The following MEIS2 variants were observed in gnomAD, a reference collection of about 807,000 sequenced individuals.
MEIS2 encodes the protein Meis homeobox 2.
In MEIS2, 9 loss-of-function variants were observed where a neutral mutation model predicts 58.6. That is an observed-to-expected ratio of 0.15 (90% CI 0.09 to 0.27). The LOEUF is 0.27. MEIS2 is among the 10% of genes least tolerant of loss of function. The pLI is 1.00. For missense variants in MEIS2, 427 were observed against 635.0 expected (o/e 0.67, Z 3.52); for synonymous variants, 221 against 228.4 (o/e 0.97, Z 0.29).
chr15:37,093,677 C>T lies in MEIS2; in HGVS notation c.543G>A (p.Gly181=). 6.2e-7 allele frequency: 1 copy of T among 1,614,198 alleles called. No individual in the cohort carries two copies. The highest frequency in any genetic ancestry group is 8.5e-7 in the Non-Finnish European group (1 of 1,180,044). Residue 181 remains glycine, a synonymous_variant, in exon 6 of 12, where the codon GGG becomes GGA. Transcript: ENST00000561208. ...CAATGACGAGGTCGATGGGCATTTT[C>T]CCCTTCAAACAGCTAATGTATCGGT... ...FCHRYISCLK[G]KMPIDLVIDE... is the part of the protein sequence containing the mutation.
At chr15:37,028,029 A>G (rs1224933015) in intron 8 of MEIS2, among the ~76,000 whole-genome samples, 1 of 152,198 alleles carries the variant, frequency 6.6e-6, no homozygotes, top group Non-Finnish European at 1.5e-5. Context: ...AATGACACGT[A>G]TCCACCATTG....
intron 7 of MEIS2, among the ~76,000 whole-genome samples, chr15:37,037,432 C>A (rs961114458): frequency 1.3e-5 from 2 of 152,154 alleles, no homozygotes; most frequent in Non-Finnish European, 2.9e-5. Flanking sequence ...CCTCCTAGAG[C>A]TGTCACCTCC....
chr15:36,987,894 T>C (rs1308715323), intron 8 of MEIS2, among the ~76,000 whole-genome samples: 1 of 152,110 alleles, frequency 6.6e-6, no homozygotes, highest in Non-Finnish European at 1.5e-5. Context: ...GCATTGAACA[T>C]CAGATCTATA....
chr15:36,909,957 C>G (rs1161544657), intron 9 of MEIS2, among the ~76,000 whole-genome samples: 1 of 152,048 alleles, frequency 6.6e-6, no homozygotes, highest in Non-Finnish European at 1.5e-5. Flanking sequence ...AATAGAGGCA[C>G]TTTGAGAGGC....
chr15:36,984,601 CAT>C (rs2060036720), intron 8 of MEIS2, among the ~76,000 whole-genome samples: 2 of 152,106 alleles, frequency 1.3e-5, no homozygotes, highest in South Asian at 4.1e-4. Flanking sequence ...ATGTTGACTT[CAT>C]AAGATGAGTT....
At chr15:36,894,552 T>C (rs771439568) in intron 11 of MEIS2, 4 of 531,090 alleles carry the variant, frequency 7.5e-6, no homozygotes, top group Non-Finnish European at 1.3e-5. Context: ...CACATCAGTG[T>C]CATCTGTGAC....
At chr15:36,930,235 A>G (rs1719905) in intron 9 of MEIS2, among the ~76,000 whole-genome samples, 14,625 of 150,256 alleles carry the variant, frequency 0.097, 814 homozygotes, top group East Asian at 0.2. Flanking sequence ...GAGAGAGAGA[A>G]AAAAAAAGTT....
chr15:37,076,728 A>ATAT (rs1161236941), intron 7 of MEIS2, among the ~76,000 whole-genome samples: 2 of 152,052 alleles, frequency 1.3e-5, no homozygotes, highest in African/African-American at 2.4e-5. Flanking sequence ...TATTTCCACA[A>ATAT]TATTAAATGG....
chr15:36,917,162 C>T (rs1002221059), intron 9 of MEIS2, among the ~76,000 whole-genome samples: 1 of 152,190 alleles, frequency 6.6e-6, no homozygotes, highest in Non-Finnish European at 1.5e-5. Context: ...TTAAACCCAA[C>T]AGACTCTTTA....
At chr15:36,932,898 A>G (rs969071146) in intron 9 of MEIS2, among the ~76,000 whole-genome samples, 3 of 152,182 alleles carry the variant, frequency 2.0e-5, no homozygotes, top group Non-Finnish European at 2.9e-5. Flanking sequence ...CTAGAAAGAG[A>G]TTATTCAAAA....
chr15:37,092,701 T>G (rs1199698990), intron 6 of MEIS2, among the ~76,000 whole-genome samples: 2 of 38,406 alleles, frequency 5.2e-5, no homozygotes, highest in South Asian at 2.1e-3. Context: ...ATATGCTTTT[T>G]TTTTTTTTTT....
At chr15:36,895,748 T>C (rs1325012290) in intron 10 of MEIS2, among the ~76,000 whole-genome samples, 1 of 152,192 alleles carries the variant, frequency 6.6e-6, no homozygotes, top group Non-Finnish European at 1.5e-5. Context: ...ACTTAGTAAA[T>C]ATAATATTTC....
rs556855852 is a variant in MEIS2, at chr15:36,950,602, C to T, written c.901-202G>A. 8.5e-5 allele frequency among the ~76,000 whole-genome samples: 13 copies of T among 152,202 alleles called. No individual in the cohort carries two copies. The East Asian group carries it at 2.5e-3, about 29-fold the overall frequency. On this transcript the variant is annotated intron_variant, in intron 8 of 11. Coordinates refer to ENST00000561208, the MANE Select transcript of MEIS2 (RefSeq NM_170675.5). Reference sequence around the variant, plus strand: ...TTAGCAGCCCCATGTTTCTGTCATACTCTGTAGGGCCAGCAGTAAAAAGCA... The same window carrying T: ...TTAGCAGCCCCATGTTTCTGTCATATTCTGTAGGGCCAGCAGTAAAAAGCA...
intron 8 of MEIS2, among the ~76,000 whole-genome samples, chr15:37,003,324 A>T (rs2060802935): frequency 6.7e-6 from 1 of 148,310 alleles, no homozygotes; most frequent in African/African-American, 2.4e-5. Context: ...TATGATATGA[A>T]TAAGTCTTCC....
chr15:37,032,818 G>C (rs1042822079), intron 8 of MEIS2, among the ~76,000 whole-genome samples: 1 of 152,112 alleles, frequency 6.6e-6, no homozygotes, highest in African/African-American at 2.4e-5. Context: ...CAAAAAAATT[G>C]AGGCTAATTA....
intron 9 of MEIS2, among the ~76,000 whole-genome samples, chr15:36,912,958 C>T (rs894186332): frequency 1.3e-5 from 2 of 152,056 alleles, no homozygotes; most frequent in African/African-American, 4.8e-5. Flanking sequence ...TTTAATAGTG[C>T]TTGTTTCCAC....
intron 9 of MEIS2, among the ~76,000 whole-genome samples, chr15:36,916,591 C>G (rs2141282820): frequency 6.6e-6 from 1 of 152,010 alleles, no homozygotes; most frequent in African/African-American, 2.4e-5. Context: ...ACCACCACAC[C>G]TGGCTACTTT....
intron 8 of MEIS2, among the ~76,000 whole-genome samples, chr15:36,957,185 T>C (rs553120291): frequency 3.2e-4 from 49 of 152,306 alleles, no homozygotes; most frequent in Non-Finnish European, 6.2e-4. Context: ...GGTGGAATTT[T>C]AACAATGTTT....
In MEIS2 at chr15:36,891,281, C is replaced by G. The variant is rs1266304933; in HGVS notation, c.*892G>C. ...CAATTGAGGTAAACACATAGAATATCTAACATGAAACAATTAATAGACCGA... is the reference window on the plus strand; with the variant it reads ...CAATTGAGGTAAACACATAGAATATGTAACATGAAACAATTAATAGACCGA... On this transcript the variant is annotated 3_prime_UTR_variant, in exon 12 of 12. Transcript: ENST00000561208. 1 of 152,242 alleles carries G rather than the reference C, an allele frequency of 6.6e-6. No homozygotes were observed. The highest frequency in any genetic ancestry group is 1.9e-4 in the East Asian group (1 of 5,192). 9.4% of individuals were successfully genotyped at this position (152,242 alleles called of 1,614,324 possible). A position where few individuals can be genotyped will look rare whatever the true frequency, so the allele number is the denominator to read the frequency against.
Sources: gnomAD v4.1 joint callset for allele counts (sites outside exome capture counted in the v4.1 genomes callset) on GRCh38, gnomAD v4.1.1 for gene constraint, MANE v1.5 for transcripts, NCBI Gene and HGNC (gene_info 2026-07-23, HGNC 2026-07-21) for gene names.